The following BICD2 variants were observed in gnomAD, a reference collection of about 807,000 sequenced individuals.
BICD2 encodes the protein protein bicaudal D homolog 2.
BICD2 carries 25 observed loss-of-function variants against 72.9 expected under a neutral mutation model. The ratio of observed to expected loss-of-function variants is 0.34; its 90% CI spans 0.25 to 0.48. The LOEUF (loss-of-function observed/expected upper bound fraction) is 0.48, where lower values mean the gene tolerates loss of function less well. BICD2 is among the 20% of genes least tolerant of loss of function. BICD2 has a pLI of 0.99. For synonymous variants in BICD2, 501 were observed against 516.1 expected (o/e 0.97, Z 0.40); for missense variants, 894 against 1,175.2 (o/e 0.76, Z 3.50).
In BICD2 at chr9:92,716,054, G is replaced by A. The variant is rs548095836; in HGVS notation, c.2259-591C>T. 4.6e-5 allele frequency among the ~76,000 whole-genome samples: 7 copies of A among 152,306 alleles called. No homozygotes were observed. In the South Asian group the frequency reaches 1.5e-3, roughly 32 times the overall value. ...CTGTGGGAGGGTGTGGTCTGTCCCT[G>A]GATGCCCTTCTTCCACATGTCCCAT... On this transcript the variant is annotated intron_variant, in intron 6 of 6. Transcript: ENST00000356884.
intron 1 of BICD2, among the ~76,000 whole-genome samples, chr9:92,757,710 A>C (rs1476292364): frequency 6.6e-6 from 1 of 152,032 alleles, no homozygotes; most frequent in Non-Finnish European, 1.5e-5. Context: ...CCATCTCAAA[A>C]AAAAAAAGAA....
At chr9:92,733,739 G>A (rs371557356) in intron 1 of BICD2, among the ~76,000 whole-genome samples, 9 of 151,818 alleles carry the variant, frequency 5.9e-5, no homozygotes, top group Non-Finnish European at 1.2e-4. Flanking sequence ...AGGCCGAGGC[G>A]GGCAGATCAC....
Position 92,714,695 on chromosome 9 carries a change from T to TA in BICD2, c.*458dup. Reference sequence around the variant, plus strand: ...AGTGCAAAGCCATCCTCTGAGGTCGTACCTATGCTGCAGGCTGGAACCTCC... The same window carrying TA: ...AGTGCAAAGCCATCCTCTGAGGTCGTAACCTATGCTGCAGGCTGGAACCTCC... On this transcript the variant is annotated 3_prime_UTR_variant, in exon 7 of 7. Coordinates refer to ENST00000356884, the MANE Select transcript of BICD2 (RefSeq NM_001003800.2). 3.0e-6 allele frequency: 3 copies of TA among 991,158 alleles called. No homozygotes were observed. The highest frequency in any genetic ancestry group is 3.6e-6 in the Non-Finnish European group (3 of 834,150). 61.4% of individuals were successfully genotyped at this position (991,158 alleles called of 1,614,324 possible).
At chr9:92,761,445 A>G (rs1243101907) in intron 1 of BICD2, among the ~76,000 whole-genome samples, 2 of 152,200 alleles carry the variant, frequency 1.3e-5, no homozygotes, top group African/African-American at 2.4e-5. Flanking sequence ...AGAGCTTGAC[A>G]CTATGACACC....
At chr9:92,744,426 G>C (rs888308161) in intron 1 of BICD2, among the ~76,000 whole-genome samples, 3 of 152,130 alleles carry the variant, frequency 2.0e-5, no homozygotes, top group Admixed American at 6.5e-5. Context: ...TTGATCTGTT[G>C]GTAGTTACAT....
At chr9:92,729,746 T>A (rs1360671429) in intron 1 of BICD2, among the ~76,000 whole-genome samples, 1 of 152,196 alleles carries the variant, frequency 6.6e-6, no homozygotes, top group African/African-American at 2.4e-5. Context: ...ATGGCAGTGA[T>A]GGTAAGAACT....
chr9:92,763,546 G>A (rs1854415224), intron 1 of BICD2, among the ~76,000 whole-genome samples: 1 of 152,220 alleles, frequency 6.6e-6, no homozygotes, highest in Admixed American at 6.5e-5. Context: ...AAGGGGCACA[G>A]CCTGGATCCA....
intron 1 of BICD2, among the ~76,000 whole-genome samples, chr9:92,731,420 G>A (rs148315214): frequency 1.7e-3 from 257 of 151,810 alleles, no homozygotes; most frequent in Non-Finnish European, 3.0e-3. Context: ...AGACTTCCGC[G>A]TACAGCCAAG....
chr9:92,739,727 C>A (rs184609000), intron 1 of BICD2, among the ~76,000 whole-genome samples: 60 of 152,338 alleles, frequency 3.9e-4, no homozygotes, highest in African/African-American at 1.1e-3. Context: ...ACTTGCCCCC[C>A]CAAAACTGCC....
In BICD2 at chr9:92,720,372, G is replaced by T. The variant is rs371444272; in HGVS notation, c.990C>A (p.Pro330=). 2 of 1,613,982 alleles carry T rather than the reference G, an allele frequency of 1.2e-6. No individual in the cohort carries two copies. The highest frequency in any genetic ancestry group is 2.2e-5 in the East Asian group (1 of 44,872). Residue 330 remains proline, a synonymous_variant, in exon 4 of 7, where the codon CCC becomes CCA. Coordinates refer to ENST00000356884, the MANE Select transcript of BICD2 (RefSeq NM_001003800.2). This position sits in a 1 kb window ranked among gnomAD's most constrained non-coding sequence, Gnocchi z 5.4. ...CACTGAGTAGGTCGGAGACGAGGCT[G>T]GGGGAGGGCGGTGCGAGGCCCTCCT... The part of the protein sequence containing the change: ...PKKEGLAPPS[P]SLVSDLLSEL...
In BICD2 at chr9:92,713,401, G is replaced by T; in HGVS notation, c.*1753C>A. 1 of 1,553,940 alleles carries T rather than the reference G, an allele frequency of 6.4e-7. No homozygotes were observed. The highest frequency in any genetic ancestry group is 1.8e-5 in the Admixed American group (1 of 54,386). The stretch of plus-strand genomic sequence containing the variant: ...CTCCTTGTGGGCCACGAGAGGGAAG[G>T]GGAAGGGGCTGCAGTGTGACAGGGC... On this transcript the variant is annotated 3_prime_UTR_variant, in exon 7 of 7. Coordinates refer to ENST00000356884, the MANE Select transcript of BICD2 (RefSeq NM_001003800.2).
At chr9:92,762,016 AC>A (rs914627970) in intron 1 of BICD2, among the ~76,000 whole-genome samples, 2 of 152,120 alleles carry the variant, frequency 1.3e-5, no homozygotes, top group African/African-American at 2.4e-5. Flanking sequence ...CTGATCAGAA[AC>A]CCACACACTG....
Position 92,720,291 on chromosome 9 carries a change from C to T in BICD2, c.1062+9G>A. The T allele has an allele frequency of 6.2e-7, 1 of 1,600,760 alleles. No individual in the cohort carries two copies. Among genetic ancestry groups the T allele is most frequent in the Non-Finnish European group, 8.5e-7 (1 of 1,172,812 alleles). On this transcript the variant is annotated intron_variant, in intron 4 of 6. Transcript: ENST00000356884. This position sits in a 1 kb window ranked among gnomAD's most constrained non-coding sequence, Gnocchi z 5.4. ...GGACAGCGTGCCGAAGGCCCCACTGCCTGCTCACCTGCATCAGCTGCTGCT... is the reference window on the plus strand; with the variant it reads ...GGACAGCGTGCCGAAGGCCCCACTGTCTGCTCACCTGCATCAGCTGCTGCT...
chr9:92,736,472 TG>T (rs1853790210), intron 1 of BICD2, among the ~76,000 whole-genome samples: 1 of 152,338 alleles, frequency 6.6e-6, no homozygotes, highest in South Asian at 2.1e-4. Context: ...CCCTCAGCTC[TG>T]GGAACTGTAC....
intron 1 of BICD2, among the ~76,000 whole-genome samples, chr9:92,733,046 CA>C (rs1853706475): frequency 6.6e-6 from 1 of 152,076 alleles, no homozygotes; most frequent in African/African-American, 2.4e-5. Flanking sequence ...AGAGCTAAAA[CA>C]ATATTGAAAG....
Position 92,719,511 on chromosome 9 carries a change from G to GC in BICD2, c.1133dup (p.Ser379LeufsTer39). Reference sequence around the variant, plus strand: ...CCTTCTCCTGCTGTTCTGACAGGGAGCCCCGCGTGTGCTCCAGCTGCTTCT... The same window carrying GC: ...CCTTCTCCTGCTGTTCTGACAGGGAGCCCCCGCGTGTGCTCCAGCTGCTTCT... On this transcript the variant is annotated frameshift_variant, in exon 5 of 7. Coordinates refer to ENST00000356884, the MANE Select transcript of BICD2 (RefSeq NM_001003800.2). LOFTEE classifies it high-confidence loss of function. The GC allele has an allele frequency of 6.2e-7, 1 of 1,613,634 alleles. No individual in the cohort carries two copies. Among genetic ancestry groups the GC allele is most frequent in the Non-Finnish European group, 8.5e-7 (1 of 1,179,988 alleles).
At chr9:92,734,183 T>A (rs551230818) in intron 1 of BICD2, among the ~76,000 whole-genome samples, 1 of 152,204 alleles carries the variant, frequency 6.6e-6, no homozygotes, top group South Asian at 2.1e-4. Flanking sequence ...TAAACTTCCA[T>A]GAATAAGTGA....
intron 1 of BICD2, among the ~76,000 whole-genome samples, chr9:92,755,913 A>G (rs945441262): frequency 1.8e-4 from 27 of 152,224 alleles, no homozygotes; most frequent in Admixed American, 1.3e-4. Context: ...GGCGTCAGGA[A>G]TGCACTGGCC....
chr9:92,727,867 G>A lies in BICD2; in HGVS notation c.453+1157C>T, dbSNP rs376225186. ...CTTGGCTCAGCACCACAGTGAACATGCCCCTGCCCCAGGGACAGGCACGGG... is the reference window on the plus strand; with the variant it reads ...CTTGGCTCAGCACCACAGTGAACATACCCCTGCCCCAGGGACAGGCACGGG... On this transcript the variant is annotated intron_variant, in intron 2 of 6. Coordinates refer to ENST00000356884, the MANE Select transcript of BICD2 (RefSeq NM_001003800.2). 1.2e-4 allele frequency among the ~76,000 whole-genome samples: 18 copies of A among 152,144 alleles called. No homozygotes were observed. In the East Asian group the frequency reaches 2.7e-3, roughly 23 times the overall value.
Sources: allele counts gnomAD v4.1 joint callset (sites outside exome capture counted in the v4.1 genomes callset), GRCh38; gene constraint gnomAD v4.1.1; non-coding constraint Gnocchi (gnomAD v3.1); transcripts MANE v1.5; gene names NCBI Gene and HGNC (gene_info 2026-07-23, HGNC 2026-07-21).